The following PARVA variants were observed in gnomAD, a reference collection of about 807,000 sequenced individuals.
The protein encoded by PARVA is alpha-parvin.
PARVA carries 25 observed loss-of-function variants against 52.6 expected under a neutral mutation model. The observed-to-expected ratio is 0.48, with a 90% confidence interval of 0.35 to 0.66. PARVA has a LOEUF of 0.66. Ranked by LOEUF, PARVA falls within the 30% of genes least tolerant of loss-of-function variation. The pLI is 0.01. For synonymous variants in PARVA, 185 were observed against 179.1 expected (o/e 1.03, Z -0.26); for missense variants, 373 against 450.9 (o/e 0.83, Z 1.56).
intron 1 of PARVA, among the ~76,000 whole-genome samples, chr11:12,431,981 C>G (rs2134994961): frequency 6.6e-6 from 1 of 152,308 alleles, no homozygotes; most frequent in East Asian, 1.9e-4. Context: ...GGTTGCTTGT[C>G]CATTGAATCA....
chr11:12,382,598 A>T (rs1182938202), intron 1 of PARVA, among the ~76,000 whole-genome samples: 3 of 152,188 alleles, frequency 2.0e-5, no homozygotes, highest in African/African-American at 7.2e-5. Flanking sequence ...ACATCATAGA[A>T]TGACTATGAG....
chr11:12,527,645 G>A (rs1941720620), intron 12 of PARVA, among the ~76,000 whole-genome samples: 2 of 152,236 alleles, frequency 1.3e-5, no homozygotes, highest in South Asian at 4.2e-4. Context: ...GGAGGGTCAG[G>A]CCTTCTTATC....
At chr11:12,517,303 A>ACCCCCCCCCCC (rs1564869136) in intron 10 of PARVA, among the ~76,000 whole-genome samples, 8 of 112,486 alleles carry the variant, frequency 7.1e-5, no homozygotes, top group African/African-American at 2.1e-4. Flanking sequence ...AGCCACACTG[A>ACCCCCCCCCCC]CCACCCCCCA....
intron 1 of PARVA, among the ~76,000 whole-genome samples, chr11:12,434,635 T>C (rs1940362969): frequency 6.6e-6 from 1 of 152,136 alleles, no homozygotes; most frequent in South Asian, 2.1e-4. Context: ...CCTGGTCTCT[T>C]CTACTCTGTA....
At chr11:12,513,605 C>T (rs774532509) in intron 9 of PARVA, 13 of 655,976 alleles carry the variant, frequency 2.0e-5, no homozygotes, top group Non-Finnish European at 2.8e-6. Context: ...CCCCAGCAAT[C>T]TCAGCCTTCC....
intron 5 of PARVA, 39 bp from the exon 6 acceptor site, chr11:12,504,275 A>C: frequency 8.5e-7 from 1 of 1,173,316 alleles, no homozygotes; most frequent in Non-Finnish European, 1.3e-6. Context: ...TAGAACCTGG[A>C]AGAAGATGCT....
chr11:12,481,722 T>C (rs1221852282), intron 4 of PARVA, among the ~76,000 whole-genome samples: 2 of 152,070 alleles, frequency 1.3e-5, no homozygotes, highest in East Asian at 3.9e-4. Context: ...GTACTGGGGG[T>C]TGAGCTTCCT....
chr11:12,377,603 G>T lies in PARVA; in HGVS notation c.-45G>T, dbSNP rs1939412924. ...CCGCCGCCCGCTGCGTCCGCCCAGC[G>T]CCAGCTCCGCGTCCCGACCGGCCCG... is the stretch of plus-strand genomic sequence containing the variant. On this transcript the variant is annotated 5_prime_UTR_variant, in exon 1 of 13. Coordinates refer to ENST00000334956, the MANE Select transcript of PARVA (RefSeq NM_018222.5). 6.5e-7 allele frequency: 1 copy of T among 1,530,182 alleles called. No individual in the cohort carries two copies. Among genetic ancestry groups the T allele is most frequent in the Admixed American group, 2.2e-5 (1 of 46,494 alleles). The allele number at this position is 1,530,182 out of a possible 1,614,324, so 94.8% of individuals were successfully genotyped here.
chr11:12,482,623 C>T (rs1305499775), intron 4 of PARVA, among the ~76,000 whole-genome samples: 1 of 126,132 alleles, frequency 7.9e-6, no homozygotes, highest in Non-Finnish European at 1.8e-5. Context: ...AAGTCTCCAT[C>T]TCAAAAAAAA....
chr11:12,403,330 G>T (rs1233541779), intron 1 of PARVA, among the ~76,000 whole-genome samples: 1 of 152,216 alleles, frequency 6.6e-6, no homozygotes, highest in African/African-American at 2.4e-5. Context: ...CTAGGGTGGG[G>T]AGCAACAGGT....
chr11:12,429,336 C>G (rs1940282378), intron 1 of PARVA, among the ~76,000 whole-genome samples: 1 of 152,146 alleles, frequency 6.6e-6, no homozygotes, highest in Non-Finnish European at 1.5e-5. Flanking sequence ...GGAGAACAAA[C>G]CCCTCCCCGA....
rs538204692 is a variant in PARVA at position 12,395,257 on chromosome 11, A to T, written c.136+17474A>T. On this transcript the variant is annotated intron_variant, in intron 1 of 12. Coordinates refer to ENST00000334956, the MANE Select transcript of PARVA (RefSeq NM_018222.5). ...GTTCAAAGGTCAACTGTATAATTTA[A>T]AAAAAAAGACTTTAATGAATCATGA... 3.2e-3 allele frequency among the ~76,000 whole-genome samples: 490 copies of T among 152,226 alleles called. 2 individuals carry two copies. Among genetic ancestry groups the T allele is most frequent in the Middle Eastern group, 0.01 (3 of 294 alleles).
intron 4 of PARVA, among the ~76,000 whole-genome samples, chr11:12,493,658 A>C (rs12790334): frequency 0.23 from 34,240 of 151,956 alleles, 4,479 homozygotes; most frequent in Middle Eastern, 0.32. Context: ...ATGCACTACA[A>C]TTTTAGTACC....
rs1314976241 is a variant in PARVA at position 12,484,236 on chromosome 11, T to C, written c.400+6287T>C. 4.6e-5 allele frequency among the ~76,000 whole-genome samples: 7 copies of C among 152,336 alleles called. No individual in the cohort carries two copies. The East Asian group carries it at 1.3e-3, about 29-fold the overall frequency. On this transcript the variant is annotated intron_variant, in intron 4 of 12. Coordinates refer to ENST00000334956, the MANE Select transcript of PARVA (RefSeq NM_018222.5). ...ATCACTTCATTTGAACATGGCCCAC[T>C]GCCTGCTTCTTATTGAGGTTTCCTG...
intron 1 of PARVA, among the ~76,000 whole-genome samples, chr11:12,392,673 T>A (rs1939676773): frequency 6.6e-6 from 1 of 152,240 alleles, no homozygotes; most frequent in Admixed American, 6.5e-5. Context: ...ATAATGTGAC[T>A]ATGAATTTGC....
chr11:12,511,786 T>C (rs936770191), intron 8 of PARVA, among the ~76,000 whole-genome samples: 1 of 152,174 alleles, frequency 6.6e-6, no homozygotes, highest in Non-Finnish European at 1.5e-5. Context: ...TTGTAGCTAT[T>C]GATGTTCACA....
At position 12,532,791 on chromosome 11, in the gene PARVA, T is replaced by A. The variant is rs1335330544; in HGVS notation, c.*4866T>A. Among the ~76,000 whole-genome samples the A allele has an allele frequency of 1.3e-5, 2 of 152,032 alleles. No individual in the cohort carries two copies. Among genetic ancestry groups the A allele is most frequent in the Non-Finnish European group, 2.9e-5 (2 of 68,012 alleles). ...GGATCCCCAGACAAGAAGACCTGGCTCCCCAGAGGAGTGCGGAAAGCCAGC... is the reference window on the plus strand; with the variant it reads ...GGATCCCCAGACAAGAAGACCTGGCACCCCAGAGGAGTGCGGAAAGCCAGC... On this transcript the variant is annotated 3_prime_UTR_variant, in exon 13 of 13. Coordinates refer to ENST00000334956, the MANE Select transcript of PARVA (RefSeq NM_018222.5).
intron 4 of PARVA, 94 bp from the exon 5 acceptor site, chr11:12,496,364 G>GTTCA: frequency 7.8e-7 from 1 of 1,279,400 alleles, no homozygotes; most frequent in Non-Finnish European, 1.1e-6. Context: ...GCATGCATGA[G>GTTCA]TGCATGAGAG....
At chr11:12,443,884 C>A (rs543318407) in intron 1 of PARVA, among the ~76,000 whole-genome samples, 2 of 152,304 alleles carry the variant, frequency 1.3e-5, no homozygotes, top group Admixed American at 1.3e-4. Flanking sequence ...TTCTCCAAAG[C>A]CTTACCAGTC....
Sources: allele counts gnomAD v4.1 joint callset (sites outside exome capture counted in the v4.1 genomes callset), GRCh38; gene constraint gnomAD v4.1.1; transcripts MANE v1.5; gene names NCBI Gene and HGNC (gene_info 2026-07-23, HGNC 2026-07-21).